PRKCE: variants seen among roughly 807,000 people sequenced by gnomAD.
PRKCE encodes protein kinase C epsilon.
Under a neutral mutation model 85.4 loss-of-function variants are expected in PRKCE, and 16 were observed. That is an observed-to-expected ratio of 0.19 (90% CI 0.13 to 0.28). The LOEUF is 0.28. PRKCE is among the 10% of genes least tolerant of loss of function. The pLI is 1.00. For synonymous variants in PRKCE, 388 were observed against 371.5 expected (o/e 1.04, Z -0.51); for missense variants, 573 against 975.2 (o/e 0.59, Z 5.49).
At chr2:45,802,587 T>C (rs1687952248) in intron 1 of PRKCE, among the ~76,000 whole-genome samples, 1 of 152,178 alleles carries the variant, frequency 6.6e-6, no homozygotes, top group Non-Finnish European at 1.5e-5. Context: ...AACAAATACA[T>C]TAAAATGTAT....
At chr2:46,178,259 T>C (rs1274641404) in intron 14 of PRKCE, among the ~76,000 whole-genome samples, 1 of 152,086 alleles carries the variant, frequency 6.6e-6, no homozygotes, top group East Asian at 1.9e-4. Context: ...AAACTCTGTC[T>C]CAAAAAAAAA....
chr2:46,070,131 T>G (rs1667950043), intron 10 of PRKCE, among the ~76,000 whole-genome samples: 1 of 152,194 alleles, frequency 6.6e-6, no homozygotes, highest in Non-Finnish European at 1.5e-5. Flanking sequence ...GACATGACAT[T>G]GTATTCACCT....
intron 2 of PRKCE, among the ~76,000 whole-genome samples, chr2:45,956,895 A>C (rs1701011405): frequency 6.6e-6 from 1 of 152,190 alleles, no homozygotes; most frequent in Non-Finnish European, 1.5e-5. Context: ...CTTTTTCTAA[A>C]ACTAATGTTG....
At chr2:45,671,691 T>C (rs1053771924) in intron 1 of PRKCE, among the ~76,000 whole-genome samples, 3 of 152,142 alleles carry the variant, frequency 2.0e-5, no homozygotes, top group African/African-American at 7.2e-5. Context: ...ATCTGCTATA[T>C]AATAAGAGAT....
At chr2:45,780,466 A>T (rs193299323) in intron 1 of PRKCE, among the ~76,000 whole-genome samples, 1 of 152,162 alleles carries the variant, frequency 6.6e-6, no homozygotes, top group African/African-American at 2.4e-5. Context: ...GCAGAATTAG[A>T]TTTGATTTCT....
intron 2 of PRKCE, among the ~76,000 whole-genome samples, chr2:45,938,494 G>C (rs1015094499): frequency 6.6e-6 from 1 of 152,124 alleles, no homozygotes; most frequent in Non-Finnish European, 1.5e-5. Context: ...TTTCCACCTT[G>C]TGTCTGTGAT....
rs528757298 is a variant in PRKCE at position 45,936,861 on chromosome 2, C to T, written c.413-39568C>T. On this transcript the variant is annotated intron_variant, in intron 2 of 14. Coordinates refer to ENST00000306156, the MANE Select transcript of PRKCE (RefSeq NM_005400.3). ...CCACAACCTACCGCAGGTATGTGTT[C>T]TTATTAAAAGGGGCAGGGACAAAAG... Among the ~76,000 whole-genome samples, 19 of 152,256 alleles carry T rather than the reference C, an allele frequency of 1.2e-4. No homozygotes were observed. In the East Asian group the frequency reaches 3.7e-3, roughly 29 times the overall value.
chr2:45,797,330 C>G (rs1042960911), intron 1 of PRKCE, among the ~76,000 whole-genome samples: 15 of 152,128 alleles, frequency 9.9e-5, no homozygotes, highest in African/African-American at 3.6e-4. Flanking sequence ...CCACGCATGT[C>G]CTTGTCCTTA....
chr2:46,096,978 T>A (rs1670750106), intron 11 of PRKCE, among the ~76,000 whole-genome samples: 3 of 152,180 alleles, frequency 2.0e-5, no homozygotes, highest in Non-Finnish European at 4.4e-5. Context: ...GCTCGGCCAG[T>A]GCCTGAGGAG....
chr2:45,700,646 G>A (rs1237252409), intron 1 of PRKCE: 2 of 152,164 alleles, frequency 1.3e-5, no homozygotes, highest in Non-Finnish European at 2.9e-5. Flanking sequence ...CCTCTCACAG[G>A]TGGGTGCTAT....
At chr2:45,991,994 G>T (rs893100569) in intron 6 of PRKCE, among the ~76,000 whole-genome samples, 10 of 150,678 alleles carry the variant, frequency 6.6e-5, no homozygotes, top group Non-Finnish European at 1.5e-4. Flanking sequence ...CCTGATTTGT[G>T]CAAGGCGTCG....
chr2:46,023,113 A>G (rs966060421), intron 10 of PRKCE, among the ~76,000 whole-genome samples: 3 of 150,802 alleles, frequency 2.0e-5, no homozygotes, highest in East Asian at 3.9e-4. Context: ...AAAAAAAATC[A>G]TCTATATAGA....
intron 10 of PRKCE, among the ~76,000 whole-genome samples, chr2:46,050,555 A>G (rs1708791500): frequency 6.6e-6 from 1 of 152,114 alleles, no homozygotes; most frequent in African/African-American, 2.4e-5. Context: ...AGCTGAATGG[A>G]TTATAAAATA....
intron 1 of PRKCE, among the ~76,000 whole-genome samples, chr2:45,824,117 CA>C (rs1689752349): frequency 6.6e-6 from 1 of 152,342 alleles, no homozygotes; most frequent in African/African-American, 2.4e-5. Flanking sequence ...TGGCTGTATG[CA>C]AGTTTACTAT....
chr2:45,925,653 G>T (rs1242189972), intron 2 of PRKCE, among the ~76,000 whole-genome samples: 1 of 152,322 alleles, frequency 6.6e-6, no homozygotes, highest in East Asian at 1.9e-4. Context: ...GTGTACCTAG[G>T]ATACATCCAT....
In PRKCE at chr2:45,736,918, T is replaced by A. The variant is rs560321078; in HGVS notation, c.348+84470T>A. 1.6e-3 allele frequency among the ~76,000 whole-genome samples: 245 copies of A among 152,144 alleles called. 1 individual carries two copies. The highest frequency in any genetic ancestry group is 2.4e-3 in the Non-Finnish European group (162 of 68,014). On this transcript the variant is annotated intron_variant, in intron 1 of 14. Coordinates refer to ENST00000306156, the MANE Select transcript of PRKCE (RefSeq NM_005400.3). Reference sequence around the variant, plus strand: ...ATCAGGGGAGACTTCACTGAGTGGATAAAGCCCAAATCCCAGTCCCAGAAA... The same window carrying A: ...ATCAGGGGAGACTTCACTGAGTGGAAAAAGCCCAAATCCCAGTCCCAGAAA...
intron 6 of PRKCE, among the ~76,000 whole-genome samples, chr2:45,994,599 A>G (rs1704071453): frequency 6.6e-6 from 1 of 152,192 alleles, no homozygotes; most frequent in Non-Finnish European, 1.5e-5. Context: ...ATGTTCTGCT[A>G]TGTCTTTTCA....
intron 10 of PRKCE, among the ~76,000 whole-genome samples, chr2:46,021,799 C>T (rs139273786): frequency 6.6e-5 from 10 of 152,268 alleles, no homozygotes; most frequent in East Asian, 1.9e-4. Context: ...CTCTCCCCAA[C>T]GCCCGCCATC....
intron 1 of PRKCE, among the ~76,000 whole-genome samples, chr2:45,719,209 C>G (rs1680403659): frequency 6.6e-6 from 1 of 152,240 alleles, no homozygotes; most frequent in Non-Finnish European, 1.5e-5. Flanking sequence ...TTGGCTGGTC[C>G]TGGCTACTCC....
Sources: gnomAD v4.1 joint callset for allele counts (sites outside exome capture counted in the v4.1 genomes callset) on GRCh38, gnomAD v4.1.1 for gene constraint, MANE v1.5 for transcripts, NCBI Gene and HGNC (gene_info 2026-07-23, HGNC 2026-07-21) for gene names.